The following SCRIB variants were observed in gnomAD, a reference collection of about 807,000 sequenced individuals.
The protein encoded by SCRIB is scribble planar cell polarity protein, also known as protein scribble homolog.
In SCRIB, 72 loss-of-function variants were observed where a neutral mutation model predicts 170.0. The observed-to-expected ratio is 0.42, with a 90% CI of 0.35 to 0.52. SCRIB has a LOEUF of 0.52. Ranked by LOEUF, SCRIB falls within the 20% of genes least tolerant of loss-of-function variation. The probability of loss-of-function intolerance (pLI) is 0.02; values close to 1 mark genes in which losing one functional copy is unlikely to be tolerated. For synonymous variants in SCRIB, 1,298 were observed against 1,044.3 expected, an observed-to-expected ratio of 1.24 and a Z score of -4.68; for missense variants, 2,475 against 2,338.5, an observed-to-expected ratio of 1.06 and a Z score of -1.20.
chr8:143,813,436 C>A, intron 5 of SCRIB, 34 bp downstream of exon 5: 1 of 1,613,142 alleles, frequency 6.2e-7, no homozygotes, highest in Non-Finnish European at 8.5e-7. Context: ...TGTGGCCCTG[C>A]CCTGGCTGTT....
Position 143,808,923 on chromosome 8 carries a change from G to A in SCRIB, c.1801C>T (p.Arg601Trp), listed in dbSNP as rs200432629. 1.3e-5 allele frequency: 21 copies of A among 1,611,320 alleles called. No homozygotes were observed. The highest frequency in any genetic ancestry group is 2.2e-5 in the South Asian group (2 of 91,092). Residue 601 changes from arginine to tryptophan, a missense_variant, in exon 15 of 37, where the codon CGG (arginine) becomes TGG (tryptophan). By Grantham distance (101) the Arg-to-Trp change is moderately radical. Transcript: ENST00000356994. ...APWTLPGGRQ[R>W]LIRKDTPHYK... is the part of the protein sequence containing the mutation. ...TGAGGTGTGTCCTTGCGGATGAGCC[G>A]CTGCCTCCCGCCTGGCAGGGTCCAG...
chr8:143,807,826 G>A lies in SCRIB; in HGVS notation c.2116-212C>T, dbSNP rs183906361. ...CTCCAGAGCTGAGCAGAGTCCCACC[G>A]GGCTGTCCCTGCTGTGGCCCCTCCG... is the stretch of plus-strand genomic sequence containing the variant. On this transcript the variant is annotated intron_variant, in intron 15 of 36. Coordinates refer to ENST00000356994, the MANE Select transcript of SCRIB (RefSeq NM_182706.5). 9.3e-3 allele frequency among the ~76,000 whole-genome samples: 1,415 copies of A among 152,272 alleles called. 14 individuals carry two copies. The highest frequency in any genetic ancestry group is 0.015 in the Non-Finnish European group (1,012 of 68,022).
At chr8:143,791,546 G>A (rs1227850887) in intron 35 of SCRIB, 106 bp from the exon 36 acceptor site, 1 of 1,573,312 alleles carries the variant, frequency 6.4e-7, no homozygotes, top group Admixed American at 1.7e-5. Context: ...CGGCTGAAGG[G>A]GGAGGGGGGG....
At position 143,811,076 on chromosome 8, in the gene SCRIB, C is replaced by T. The variant is rs762729610; in HGVS notation, c.1107-4G>A. The stretch of plus-strand genomic sequence containing the variant: ...CGCGAACGGCAGACTCTGCAGGCTG[C>T]GGGCCGGGCGGGCACAGTCAGCAGG... On this transcript the variant is annotated splice_polypyrimidine_tract_variant and splice_region_variant and intron_variant, in intron 10 of 36. Transcript: ENST00000356994. 25 of 1,609,048 alleles carry T rather than the reference C, an allele frequency of 1.6e-5. No individual in the cohort carries two copies. Among genetic ancestry groups the T allele is most frequent in the Admixed American group, 3.4e-5 (2 of 59,602 alleles).
chr8:143,802,125 T>A (rs921917907), intron 24 of SCRIB, among the ~76,000 whole-genome samples: 2 of 152,240 alleles, frequency 1.3e-5, no homozygotes, highest in Admixed American at 1.3e-4. Flanking sequence ...GAGAACCAGA[T>A]GGTCCAGAGC....
At position 143,798,063 on chromosome 8, in the gene SCRIB, T is replaced by C. The variant is rs377273276; in HGVS notation, c.3604-2533A>G. Among the ~76,000 whole-genome samples the C allele has an allele frequency of 6.2e-4, 95 of 152,310 alleles. 1 individual carries two copies. In the South Asian group the frequency reaches 0.019, roughly 31 times the overall value. ...GCCGGTCTTCTGAAATGATTCTATATAACTTCAACTTTGGAACCACGTGAA... is the reference window on the plus strand; with the variant it reads ...GCCGGTCTTCTGAAATGATTCTATACAACTTCAACTTTGGAACCACGTGAA... On this transcript the variant is annotated intron_variant, in intron 24 of 36. Coordinates refer to ENST00000356994, the MANE Select transcript of SCRIB (RefSeq NM_182706.5).
Position 143,804,964 on chromosome 8 carries a change from G to A in SCRIB, c.2721C>T (p.Gly907=), listed in dbSNP as rs782550661. The A allele has an allele frequency of 4.1e-5, 64 of 1,577,962 alleles. No homozygotes were observed. The highest frequency in any genetic ancestry group is 5.3e-5 in the Non-Finnish European group (62 of 1,167,678). The change falls in exon 20 of 37, where the codon GGC becomes GGT. Residue 907 remains glycine (G), a synonymous_variant. Coordinates refer to ENST00000356994, the MANE Select transcript of SCRIB (RefSeq NM_182706.5). ...IAEGGAAHRA[G]TLQVGDRVLS... is the part of the protein sequence containing the mutation. ...GGACGCGGTCGCCAACCTGCAGTGT[G>A]CCCGCGCGGTGAGCAGCACCGCCCT...
rs549862989 is a variant in SCRIB, at chr8:143,803,370, C to T, written c.3603+13G>A. ...CCAGAGGGAGGCCCGGTCCCCGGGGCGGGATCGCTAACCTCCAGGGCTGCG... is the reference window on the plus strand; with the variant it reads ...CCAGAGGGAGGCCCGGTCCCCGGGGTGGGATCGCTAACCTCCAGGGCTGCG... On this transcript the variant is annotated intron_variant, in intron 24 of 36. Transcript: ENST00000356994. 2.3e-5 allele frequency: 35 copies of T among 1,549,400 alleles called. No individual in the cohort carries two copies. The highest frequency in any genetic ancestry group is 2.2e-4 in the Middle Eastern group (1 of 4,580).
intron 18 of SCRIB, 128 bp from the exon 19 acceptor site, chr8:143,805,563 C>T (rs968015417): frequency 6.9e-5 from 67 of 974,892 alleles, no homozygotes; most frequent in Non-Finnish European, 8.7e-5. Flanking sequence ...AGGCCCCAGG[C>T]GCTGACATCA....
intron 27 of SCRIB, among the ~76,000 whole-genome samples, 180 bp downstream of exon 27, chr8:143,794,858 T>G (rs1430213350): frequency 6.6e-6 from 1 of 151,884 alleles, no homozygotes; most frequent in Non-Finnish European, 1.5e-5. Flanking sequence ...TGGCTTGGGT[T>G]GAGAATGAGG....
At position 143,813,361 on chromosome 8, in the gene SCRIB, G is replaced by A. The variant is rs747957413; in HGVS notation, c.517C>T (p.Leu173=). The A allele has an allele frequency of 7.4e-6, 12 of 1,613,536 alleles. No homozygotes were observed. The highest frequency in any genetic ancestry group is 1.6e-4 in the Middle Eastern group (1 of 6,084). The stretch of plus-strand genomic sequence containing the variant: ...AGATCCAGCTGTTCCAGCTTGACCA[G>A]AAATGACAGGGACCTGCAGAGGAAG... ...LKSLPASLSF[L]VKLEQLDLGG... The change falls in exon 6 of 37, where the codon CTG becomes TTG. Residue 173 remains leucine, a synonymous_variant. Transcript: ENST00000356994.
At chr8:143,792,192 G>T in intron 32 of SCRIB, 28 bp downstream of exon 32, 1 of 1,555,650 alleles carries the variant, frequency 6.4e-7, no homozygotes. Context: ...GCAGCAGGGC[G>T]GGGTGGCGAC....
In SCRIB at chr8:143,791,930, C is replaced by A; in HGVS notation, c.4658-17G>T. ...GGCCGAGGTCTGGGGGGACAAGAAG[C>A]GGGCATTGGAAGCAGCCCATGCGGC... On this transcript the variant is annotated splice_polypyrimidine_tract_variant and intron_variant, in intron 33 of 36. Transcript: ENST00000356994. The A allele has an allele frequency of 6.6e-7, 1 of 1,512,848 alleles. No homozygotes were observed. Among genetic ancestry groups the A allele is most frequent in the Non-Finnish European group, 8.8e-7 (1 of 1,130,106 alleles). 93.7% of individuals were successfully genotyped at this position (1,512,848 alleles called of 1,614,324 possible).
rs968358214 is a variant in SCRIB at position 143,808,532 on chromosome 8, C to T, written c.2115+77G>A. The T allele has an allele frequency of 1.2e-5, 18 of 1,484,454 alleles. No individual in the cohort carries two copies. In the Middle Eastern group the frequency reaches 5.7e-4, roughly 47 times the overall value. The allele number at this position is 1,484,454 out of a possible 1,614,324, so 92.0% of individuals were successfully genotyped here. ...AGGGGCCAGTGGGTCAGGCCTCGGC[C>T]CTGCTCCTGCCGCAGCCCTGGGTGC... On this transcript the variant is annotated intron_variant, in intron 15 of 36. Coordinates refer to ENST00000356994, the MANE Select transcript of SCRIB (RefSeq NM_182706.5).
intron 14 of SCRIB, 139 bp downstream of exon 14, chr8:143,809,412 C>G (rs1815599437): frequency 1.0e-6 from 1 of 989,722 alleles, no homozygotes. Flanking sequence ...CGTAGCCACT[C>G]TGTACAGGGC....
Position 143,812,857 on chromosome 8 carries a change from C to G in SCRIB, c.747G>C (p.Leu249=). Residue 249 remains leucine, a synonymous_variant, in exon 8 of 37, where the codon CTG becomes CTC. Coordinates refer to ENST00000356994, the MANE Select transcript of SCRIB (RefSeq NM_182706.5). ...LGGLVLLTDL[L]LSQNLLRRLP... is the part of the protein sequence containing the mutation. ...GCCTCCGCAGCAGGTTCTGGGACAG[C>G]AGCAGGTCAGTGAGCAGCACCAGCC... The G allele has an allele frequency of 6.2e-7, 1 of 1,606,210 alleles. No individual in the cohort carries two copies. The highest frequency in any genetic ancestry group is 8.5e-7 in the Non-Finnish European group (1 of 1,179,818).
At chr8:143,813,134 T>G (rs772207827) in intron 6 of SCRIB, 30 bp from the exon 7 acceptor site, 1 of 1,572,596 alleles carries the variant, frequency 6.4e-7, no homozygotes, top group Non-Finnish European at 8.6e-7. Context: ...AAATAGTGAC[T>G]ATGAGGCAAA....
chr8:143,792,482 C>T lies in SCRIB; in HGVS notation c.4328+3G>A. 6.5e-7 allele frequency: 1 copy of T among 1,536,288 alleles called. No homozygotes were observed. Among genetic ancestry groups the T allele is most frequent in the South Asian group, 1.2e-5 (1 of 82,318 alleles). ...AGGGGGCGTCTGGTGGGCGGGTGCT[C>T]ACCTTGAGGTGGGGCTCGGGCTGGC... On this transcript the variant is annotated splice_donor_region_variant and intron_variant, in intron 31 of 36. Transcript: ENST00000356994.
intron 24 of SCRIB, among the ~76,000 whole-genome samples, chr8:143,802,993 C>T (rs1048156152): frequency 1.3e-5 from 2 of 152,208 alleles, no homozygotes; most frequent in Admixed American, 6.5e-5. Context: ...CATCCCAAGG[C>T]GTCTGCCTGG....
Sources: allele counts gnomAD v4.1 joint callset (sites outside exome capture counted in the v4.1 genomes callset), GRCh38; gene constraint gnomAD v4.1.1; transcripts MANE v1.5; gene names NCBI Gene and HGNC (gene_info 2026-07-23, HGNC 2026-07-21).